The following KLHL25 variants were observed in gnomAD, a reference collection of about 807,000 sequenced individuals.
The protein encoded by KLHL25 is kelch-like protein 25.
In KLHL25, 41 loss-of-function variants were observed where a neutral mutation model predicts 30.0. That is an observed-to-expected ratio of 1.37 (90% CI 1.07 to 1.78). The LOEUF is 1.78. Ranked by LOEUF, KLHL25 falls within the 40% of genes most tolerant of loss-of-function variation. The pLI is 0.00. For missense variants in KLHL25, 971 were observed against 824.5 expected (o/e 1.18, Z -2.18); for synonymous variants, 399 against 355.3 (o/e 1.12, Z -1.38).
At chr15:85,783,850 C>A (rs1005833148) in intron 1 of KLHL25, among the ~76,000 whole-genome samples, 2 of 152,196 alleles carry the variant, frequency 1.3e-5, no homozygotes, top group Non-Finnish European at 2.9e-5. Context: ...TCCCTGGTTT[C>A]AAATCCCAGC....
Position 85,762,723 on chromosome 15 carries a change from G to A in KLHL25, c.*25-1712C>T, listed in dbSNP as rs553873090. ...GGCACAGGAACGAATGACTGCTGAT[G>A]CCTGGACGGACGGACTCCGTCCTGG... On this transcript the variant is annotated intron_variant, in intron 2 of 2. Transcript: ENST00000337975. 3.9e-5 allele frequency: 6 copies of A among 152,524 alleles called. No individual in the cohort carries two copies. In the South Asian group the frequency reaches 1.2e-3, roughly 32 times the overall value. The allele number at this position is 152,524 out of a possible 1,614,324, so 9.4% of individuals were successfully genotyped here. A position where few individuals can be genotyped will look rare whatever the true frequency, so the allele number is the denominator to read the frequency against.
Position 85,759,640 on chromosome 15 carries a change from G to A in KLHL25, c.*1396C>T, listed in dbSNP as rs2089566618. 5 of 152,318 alleles carry A rather than the reference G, an allele frequency of 3.3e-5. No individual in the cohort carries two copies. Among genetic ancestry groups the A allele is most frequent in the Admixed American group, 3.3e-4 (5 of 15,288 alleles). The allele number at this position is 152,318 out of a possible 1,614,324, so 9.4% of individuals were successfully genotyped here. A position where few individuals can be genotyped will look rare whatever the true frequency, so the allele number is the denominator to read the frequency against. On this transcript the variant is annotated 3_prime_UTR_variant, in exon 3 of 3. Coordinates refer to ENST00000337975, the MANE Select transcript of KLHL25 (RefSeq NM_022480.4). ...GCGGGCGTGTCAGTGGGCAAACCCT[G>A]CCCAAAGGTCCCACCCCCAAGAGGC...
intron 1 of KLHL25, among the ~76,000 whole-genome samples, chr15:85,777,334 C>T (rs1288713684): frequency 6.6e-6 from 1 of 152,238 alleles, no homozygotes. Flanking sequence ...GCTTCACCTG[C>T]TTTCCTGAGG....
intron 2 of KLHL25, among the ~76,000 whole-genome samples, chr15:85,765,611 G>A (rs1306399818): frequency 4.2e-5 from 5 of 118,916 alleles, no homozygotes; most frequent in South Asian, 3.4e-4. Flanking sequence ...GGGGGAGAAC[G>A]AGACTGTCTC....
chr15:85,770,596 G>T (rs1228959363), intron 1 of KLHL25: 1 of 529,230 alleles, frequency 1.9e-6, no homozygotes, highest in Admixed American at 2.0e-5. Flanking sequence ...TGGCTTGGAG[G>T]TGGGGCCGCC....
At chr15:85,776,177 A>AC (rs1341691079) in intron 1 of KLHL25, among the ~76,000 whole-genome samples, 2 of 138,100 alleles carry the variant, frequency 1.4e-5, no homozygotes, top group Non-Finnish European at 3.1e-5. Flanking sequence ...TGTCTCAAAA[A>AC]AAAAAAAAAG....
At chr15:85,784,393 T>G (rs2089765477) in intron 1 of KLHL25, among the ~76,000 whole-genome samples, 1 of 152,076 alleles carries the variant, frequency 6.6e-6, no homozygotes, top group South Asian at 2.1e-4. Flanking sequence ...TAGCCAGGCT[T>G]GGTGGCACAC....
intron 1 of KLHL25, among the ~76,000 whole-genome samples, chr15:85,785,420 T>C (rs1309879301): frequency 2.0e-5 from 3 of 152,218 alleles, no homozygotes; most frequent in South Asian, 4.1e-4. Flanking sequence ...ATCCTGGTCC[T>C]TAGCAGAGTG....
intron 1 of KLHL25, among the ~76,000 whole-genome samples, chr15:85,788,056 CAAAAAAAAAA>C (rs60547525): frequency 1.5e-4 from 9 of 58,306 alleles, no homozygotes; most frequent in Non-Finnish European, 2.4e-4. Flanking sequence ...AACTAGATCT[CAAAAAAAAAA>C]AAAAAAAAAA....
chr15:85,781,206 G>C (rs550569817), intron 1 of KLHL25, among the ~76,000 whole-genome samples: 1 of 152,124 alleles, frequency 6.6e-6, no homozygotes, highest in East Asian at 1.9e-4. Flanking sequence ...ATCCCAGCCC[G>C]TATCAATGAA....
At chr15:85,771,851 C>T (rs1443186528) in intron 1 of KLHL25, among the ~76,000 whole-genome samples, 8 of 152,238 alleles carry the variant, frequency 5.3e-5, no homozygotes, top group Non-Finnish European at 1.0e-4. Flanking sequence ...CTCCACAACT[C>T]ACTTGTTGGC....
At chr15:85,764,075 C>A (rs1358483698) in intron 2 of KLHL25, 4 of 152,244 alleles carry the variant, frequency 2.6e-5, no homozygotes, top group African/African-American at 9.6e-5. Context: ...CTGACAGCTC[C>A]GCAGTGGCCG....
At chr15:85,773,698 T>G (rs1161889038) in intron 1 of KLHL25, among the ~76,000 whole-genome samples, 1 of 152,256 alleles carries the variant, frequency 6.6e-6, no homozygotes, top group Non-Finnish European at 1.5e-5. Context: ...TCACTGGAAC[T>G]TTGAGGAACG....
chr15:85,789,997 G>A lies in KLHL25; in HGVS notation c.-11+4769C>T, dbSNP rs1328249132. Among the ~76,000 whole-genome samples the A allele has an allele frequency of 3.3e-5, 5 of 152,110 alleles. No individual in the cohort carries two copies. The highest frequency in any genetic ancestry group is 7.4e-5 in the Non-Finnish European group (5 of 68,016). ...CCTACGTCACCCCTCTCACTCTACA[G>A]GTGAAAAAACTAGATCCCAGAGAAA... On this transcript the variant is annotated intron_variant, in intron 1 of 2. Transcript: ENST00000337975. This position sits in a 1 kb window ranked among gnomAD's most constrained non-coding sequence, Gnocchi z 4.1.
chr15:85,770,539 GA>G (rs745403122), intron 1 of KLHL25: 1 of 534,286 alleles, frequency 1.9e-6, no homozygotes, highest in Non-Finnish European at 3.8e-6. Flanking sequence ...CATGTTCTCT[GA>G]ATCCAGGTGT....
Position 85,769,059 on chromosome 15 carries a change from G to T in KLHL25, c.752C>A (p.Ser251Tyr), listed in dbSNP as rs1004195231. 1 of 1,606,764 alleles carries T rather than the reference G, an allele frequency of 6.2e-7. No homozygotes were observed. Among genetic ancestry groups the T allele is most frequent in the African/African-American group, 1.3e-5 (1 of 74,836 alleles). The change falls in exon 2 of 3, where the codon TCC (serine) becomes TAC (tyrosine). Residue 251 changes from serine to tyrosine, a missense_variant. Ser to Tyr is a moderately radical substitution (Grantham distance 144). Coordinates refer to ENST00000337975, the MANE Select transcript of KLHL25 (RefSeq NM_022480.4). Reference sequence around the variant, plus strand: ...GTCTGCCATGAGGAGGGCCTCGCTGGAGACGGCCTCCTGCAGGCAGTCGGA... The same window carrying T: ...GTCTGCCATGAGGAGGGCCTCGCTGTAGACGGCCTCCTGCAGGCAGTCGGA... ...LPSDCLQEAVSSEALLMADER... is the reference protein window; with the variant it reads ...LPSDCLQEAVYSEALLMADER...
chr15:85,791,475 A>T (rs1260218867), intron 1 of KLHL25, among the ~76,000 whole-genome samples: 1 of 152,242 alleles, frequency 6.6e-6, no homozygotes, highest in Non-Finnish European at 1.5e-5. Flanking sequence ...AGCCTGGGCG[A>T]CAGAGCGAGA....
Position 85,769,753 on chromosome 15 carries a change from C to CG in KLHL25, c.57dup (p.Val20ArgfsTer49). On this transcript the variant is annotated frameshift_variant, in exon 2 of 3. Transcript: ENST00000337975. LOFTEE classifies it high-confidence loss of function. Reference sequence around the variant, plus strand: ...TGGGAGGCCTTGTGGAAGAGGGTGACGTTCATGGACCCCGTGCTGCTCCGC... The same window carrying CG: ...TGGGAGGCCTTGTGGAAGAGGGTGACGGTTCATGGACCCCGTGCTGCTCCGC... 3 of 1,613,542 alleles carry CG rather than the reference C, an allele frequency of 1.9e-6. No individual in the cohort carries two copies. Among genetic ancestry groups the CG allele is most frequent in the Non-Finnish European group, 2.5e-6 (3 of 1,180,022 alleles).
intron 2 of KLHL25, among the ~76,000 whole-genome samples, chr15:85,767,048 C>T (rs1040199036): frequency 6.8e-6 from 1 of 147,460 alleles, no homozygotes. Context: ...TGGAGTACAG[C>T]GGCATGATCT....
Sources: allele counts gnomAD v4.1 joint callset (sites outside exome capture counted in the v4.1 genomes callset), GRCh38; gene constraint gnomAD v4.1.1; non-coding constraint Gnocchi (gnomAD v3.1); transcripts MANE v1.5; gene names NCBI Gene and HGNC (gene_info 2026-07-23, HGNC 2026-07-21).